The following KANSL1 variants were observed in gnomAD, a reference collection of about 807,000 sequenced individuals.
The protein encoded by KANSL1 is KAT8 regulatory NSL complex subunit 1.
KANSL1 carries 22 observed loss-of-function variants against 103.6 expected under a neutral mutation model. The observed-to-expected ratio is 0.21, with a 90% CI of 0.15 to 0.30. The LOEUF (loss-of-function observed/expected upper bound fraction) is 0.30. KANSL1 is among the 10% of genes least tolerant of loss of function. The pLI, the probability that KANSL1 is intolerant of heterozygous loss-of-function variation, is 1.00. For synonymous variants in KANSL1, 600 were observed against 527.6 expected, an observed-to-expected ratio of 1.14 and a Z score of -1.88; for missense variants, 1,337 against 1,399.8, an observed-to-expected ratio of 0.96 and a Z score of 0.72.
At chr17:46,179,804 C>CA (rs1219349900) in intron 1 of KANSL1, among the ~76,000 whole-genome samples, 1 of 152,242 alleles carries the variant, frequency 6.6e-6, no homozygotes, top group Non-Finnish European at 1.5e-5. Flanking sequence ...CGCAGTGACT[C>CA]ATGCCTATAA....
At chr17:46,203,889 T>G (rs1169405872) in intron 1 of KANSL1, among the ~76,000 whole-genome samples, 1 of 152,222 alleles carries the variant, frequency 6.6e-6, no homozygotes, top group East Asian at 1.9e-4. Context: ...TTTTAAATAG[T>G]TGACTACCAA....
chr17:46,069,372 G>T (rs2078494959), intron 4 of KANSL1, among the ~76,000 whole-genome samples: 1 of 152,092 alleles, frequency 6.6e-6, no homozygotes, highest in Non-Finnish European at 1.5e-5. Flanking sequence ...TTTCAATACT[G>T]ATTTCTTTTG....
intron 2 of KANSL1, among the ~76,000 whole-genome samples, chr17:46,117,607 CAG>C (rs72069626): frequency 0.054 from 8,273 of 152,190 alleles, 740 homozygotes; most frequent in African/African-American, 0.19. Flanking sequence ...CAAAGATTTT[CAG>C]AGAGTCTATC....
chr17:46,204,356 T>C (rs2696453), intron 1 of KANSL1, among the ~76,000 whole-genome samples: 21,947 of 152,098 alleles, frequency 0.14, 2,136 homozygotes, highest in Non-Finnish European at 0.22. Flanking sequence ...TCCTAGCTAC[T>C]TGGGAGGCTG....
intron 1 of KANSL1, among the ~76,000 whole-genome samples, chr17:46,173,033 C>T (rs149879015): frequency 6.6e-6 from 1 of 152,332 alleles, no homozygotes; most frequent in Non-Finnish European, 1.5e-5. Context: ...ACTGCTCTGG[C>T]AAAGGTGACC....
intron 2 of KANSL1, among the ~76,000 whole-genome samples, chr17:46,141,753 G>T (rs964094918): frequency 1.3e-5 from 2 of 152,160 alleles, no homozygotes; most frequent in African/African-American, 4.8e-5. Context: ...AACTTCCAAA[G>T]TCCCAAAGAA....
chr17:46,141,753 G>GT, intron 2 of KANSL1, among the ~76,000 whole-genome samples: 1 of 152,278 alleles, frequency 6.6e-6, no homozygotes, highest in South Asian at 2.1e-4. Context: ...AACTTCCAAA[G>GT]TCCCAAAGAA....
chr17:46,148,322 C>T (rs1410307413), intron 2 of KANSL1: 6 of 152,184 alleles, frequency 3.9e-5, no homozygotes, highest in African/African-American at 1.4e-4. Context: ...AGTTCTGTCA[C>T]ATTTTAAGGA....
chr17:46,154,078 T>C (rs1215456803), intron 2 of KANSL1, among the ~76,000 whole-genome samples: 2 of 152,192 alleles, frequency 1.3e-5, no homozygotes, highest in South Asian at 2.1e-4. Flanking sequence ...TAGAGGTTAA[T>C]GAACACACCA....
At chr17:46,102,754 A>T (rs988985054) in intron 2 of KANSL1, among the ~76,000 whole-genome samples, 2 of 152,248 alleles carry the variant, frequency 1.3e-5, no homozygotes, top group Non-Finnish European at 2.9e-5. Context: ...ATATTTAAGC[A>T]ACTATTAGTT....
chr17:46,096,311 C>CTTTCTTTCTTTCTTTTTTTTTTTTTTT (rs753073992), intron 2 of KANSL1, among the ~76,000 whole-genome samples: 16 of 76,400 alleles, frequency 2.1e-4, no homozygotes, highest in Admixed American at 3.5e-4. Context: ...GCTTTTTTTT[C>CTTTCTTTCTTTCTTTTTTTTTTTTTTT]TTTTTTTTTT....
chr17:46,204,456 C>T (rs2047900992), intron 1 of KANSL1, among the ~76,000 whole-genome samples: 1 of 152,120 alleles, frequency 6.6e-6, no homozygotes, highest in Non-Finnish European at 1.5e-5. Context: ...CAGAGCAAGA[C>T]TCTATCTCAA....
intron 2 of KANSL1, among the ~76,000 whole-genome samples, chr17:46,156,157 G>A (rs9904846): frequency 0.029 from 4,457 of 152,202 alleles, 177 homozygotes; most frequent in African/African-American, 0.089. Context: ...AGACCAGCCT[G>A]ACCAACATGG....
intron 2 of KANSL1, among the ~76,000 whole-genome samples, chr17:46,168,694 T>C (rs2046131448): frequency 6.6e-6 from 1 of 152,228 alleles, no homozygotes; most frequent in African/African-American, 2.4e-5. Flanking sequence ...TACTTCAGAG[T>C]ACTTTCAGTA....
chr17:46,104,326 A>G (rs2042440949), intron 2 of KANSL1, among the ~76,000 whole-genome samples: 1 of 152,236 alleles, frequency 6.6e-6, no homozygotes, highest in African/African-American at 2.4e-5. Flanking sequence ...GAAAATACCC[A>G]GAAGCATCTT....
At chr17:46,182,431 A>G (rs1350206301) in intron 1 of KANSL1, among the ~76,000 whole-genome samples, 1 of 152,254 alleles carries the variant, frequency 6.6e-6, no homozygotes. Flanking sequence ...CATATGAACA[A>G]AAGTAGATTT....
chr17:46,060,813 G>C (rs1047084403), intron 6 of KANSL1, among the ~76,000 whole-genome samples: 1 of 152,146 alleles, frequency 6.6e-6, no homozygotes, highest in Admixed American at 6.5e-5. Context: ...ATAGCCATGA[G>C]AGAATGCCCT....
intron 6 of KANSL1, among the ~76,000 whole-genome samples, chr17:46,057,255 TTCAA>T (rs1211240686): frequency 6.6e-6 from 1 of 152,168 alleles, no homozygotes; most frequent in African/African-American, 2.4e-5. Context: ...TCAAATATGT[TTCAA>T]TCAATGACTC....
rs2146292124 is a variant in KANSL1 at position 46,030,721 on chromosome 17, C to T, written c.*755G>A. On this transcript the variant is annotated 3_prime_UTR_variant, in exon 15 of 15. Transcript: ENST00000432791. ...GATCAGGATAGGTGGTAAAAATATT[C>T]CAAGTGGAAGGACGGGTTGTGGGTG... The T allele has an allele frequency of 6.6e-6, 1 of 152,200 alleles. No homozygotes were observed. Among genetic ancestry groups the T allele is most frequent in the Admixed American group, 6.5e-5 (1 of 15,270 alleles). 9.4% of individuals were successfully genotyped at this position (152,200 alleles called of 1,614,324 possible). A position where few individuals can be genotyped will look rare whatever the true frequency, so the allele number is the denominator to read the frequency against.
Sources: gnomAD v4.1 joint callset for allele counts (sites outside exome capture counted in the v4.1 genomes callset) on GRCh38, gnomAD v4.1.1 for gene constraint, MANE v1.5 for transcripts, NCBI Gene and HGNC (gene_info 2026-07-23, HGNC 2026-07-21) for gene names.